The following RAB3A variants were observed in gnomAD, a reference collection of about 807,000 sequenced individuals.
RAB3A encodes ras-related protein Rab-3A.
Under a neutral mutation model 19.7 loss-of-function variants are expected in RAB3A, and 5 were observed. The ratio of observed to expected loss-of-function variants is 0.25; its 90% confidence interval spans 0.13 to 0.53. The LOEUF (loss-of-function observed/expected upper bound fraction) is 0.53, where lower values mean the gene tolerates loss of function less well. Among genes scored for constraint, RAB3A ranks in the 20% least tolerant of loss-of-function variants. The probability of loss-of-function intolerance (pLI) is 0.95; values close to 1 mark genes in which losing one functional copy is unlikely to be tolerated. For synonymous variants in RAB3A, 119 were observed against 122.1 expected (o/e 0.97, Z 0.17); for missense variants, 189 against 305.6 (o/e 0.62, Z 2.85).
At chr19:18,197,770 TTATTGAAGG>T (rs1967551610) in intron 4 of RAB3A, 110 bp from the exon 5 acceptor site, 25 of 233,330 alleles carry the variant, frequency 1.1e-4, no homozygotes, top group South Asian at 1.1e-3. Flanking sequence ...GCCAAGCAAC[TTATTGAAGG>T]TACTGACAAA....
Position 18,197,014 on chromosome 19 carries a change from C to T in RAB3A, c.*456G>A, listed in dbSNP as rs1967535397. On this transcript the variant is annotated 3_prime_UTR_variant, in exon 5 of 5. Transcript: ENST00000222256. ...GCCAGACTCTGATCCCCATGGTCCA[C>T]ACAGGGAAACCCCCAACAGCGGCCT... 1 of 172,748 alleles carries T rather than the reference C, an allele frequency of 5.8e-6. No homozygotes were observed. The highest frequency in any genetic ancestry group is 1.7e-4 in the East Asian group (1 of 5,978). 10.7% of individuals were successfully genotyped at this position (172,748 alleles called of 1,614,324 possible).
At chr19:18,203,271 C>A (rs1333154456) in intron 1 of RAB3A, among the ~76,000 whole-genome samples, 1 of 152,224 alleles carries the variant, frequency 6.6e-6, no homozygotes, top group East Asian at 1.9e-4. Context: ...CACGCTCATC[C>A]GTACATACAG....
At chr19:18,197,692 T>C in intron 4 of RAB3A, 32 bp from the exon 5 acceptor site, 1 of 1,570,590 alleles carries the variant, frequency 6.4e-7, no homozygotes, top group Non-Finnish European at 8.7e-7. Flanking sequence ...ATGAGGACCC[T>C]GGCCACGCCC....
At chr19:18,199,014 A>C (rs1600028969) in intron 3 of RAB3A, among the ~76,000 whole-genome samples, 165 bp from the exon 4 acceptor site, 6 of 140,554 alleles carry the variant, frequency 4.3e-5, no homozygotes, top group African/African-American at 5.4e-5. Context: ...CTTTCACCCC[A>C]CTCCAGCCCC....
rs1011775570 is a variant in RAB3A at position 18,203,999 on chromosome 19, G to C, written c.-104C>G. ...TGATGTGGGGCTGCGCGGCGGCGGC[G>C]GCAGCAGCGGCTCAGGCCCCTGCAG... On this transcript the variant is annotated 5_prime_UTR_variant, in exon 1 of 5. Coordinates refer to ENST00000222256, the MANE Select transcript of RAB3A (RefSeq NM_002866.5). 6.4e-6 allele frequency: 1 copy of C among 157,430 alleles called. No homozygotes were observed. The highest frequency in any genetic ancestry group is 1.4e-5 in the Non-Finnish European group (1 of 71,048). 9.8% of individuals were successfully genotyped at this position (157,430 alleles called of 1,614,324 possible). A position where few individuals can be genotyped will look rare whatever the true frequency, so the allele number is the denominator to read the frequency against.
intron 1 of RAB3A, among the ~76,000 whole-genome samples, chr19:18,203,264 G>C (rs552025745): frequency 2.0e-5 from 3 of 152,318 alleles, no homozygotes; most frequent in South Asian, 4.1e-4. Context: ...CCTCAAACAC[G>C]CTCATCCGTA....
In RAB3A at chr19:18,197,022, A is replaced by C; in HGVS notation, c.*448T>G. 5.8e-6 allele frequency: 1 copy of C among 172,342 alleles called. No individual in the cohort carries two copies. The highest frequency in any genetic ancestry group is 1.3e-5 in the Non-Finnish European group (1 of 79,804). The allele number at this position is 172,342 out of a possible 1,614,324, so 10.7% of individuals were successfully genotyped here. A position where few individuals can be genotyped will look rare whatever the true frequency, so the allele number is the denominator to read the frequency against. On this transcript the variant is annotated 3_prime_UTR_variant, in exon 5 of 5. Coordinates refer to ENST00000222256, the MANE Select transcript of RAB3A (RefSeq NM_002866.5). ...CTGATCCCCATGGTCCACACAGGGA[A>C]ACCCCCAACAGCGGCCTCGGCCCAC...
chr19:18,201,249 C>CAAAA (rs111370852), intron 2 of RAB3A, among the ~76,000 whole-genome samples: 1 of 113,232 alleles, frequency 8.8e-6, no homozygotes, highest in African/African-American at 3.7e-5. Flanking sequence ...ACAATAACAA[C>CAAAA]AAAAAAAAAA....
intron 4 of RAB3A, 72 bp from the exon 5 acceptor site, chr19:18,197,732 G>GTT: frequency 1.5e-6 from 2 of 1,365,008 alleles, no homozygotes; most frequent in Non-Finnish European, 2.0e-6. Flanking sequence ...GCTTCTCTGA[G>GTT]GAAAGGGAAC....
chr19:18,202,094 G>A lies in RAB3A; in HGVS notation c.228+419C>T, dbSNP rs1438328067. Among the ~76,000 whole-genome samples, 6 of 152,150 alleles carry A rather than the reference G, an allele frequency of 3.9e-5. No individual in the cohort carries two copies. The highest frequency in any genetic ancestry group is 1.9e-4 in the East Asian group (1 of 5,194). On this transcript the variant is annotated intron_variant, in intron 2 of 4. Transcript: ENST00000222256. This position sits in a 1 kb window ranked among gnomAD's most constrained non-coding sequence, Gnocchi z 4.2. ...ACAAAAAAGAAAAAAATCAGCAGGC[G>A]TGGTGGTAGAAGCCCGTGGTCCTAG... is the stretch of plus-strand genomic sequence containing the variant.
At position 18,197,298 on chromosome 19, in the gene RAB3A, C is replaced by A. The variant is rs943030199; in HGVS notation, c.*172G>T. ...TGGGGCGGGCAGGGGAGCCTGGGCC[C>A]CTGGGGGACATCTTCAATAAATAAA... On this transcript the variant is annotated 3_prime_UTR_variant, in exon 5 of 5. Transcript: ENST00000222256. 1 of 649,432 alleles carries A rather than the reference C, an allele frequency of 1.5e-6. No individual in the cohort carries two copies. Among genetic ancestry groups the A allele is most frequent in the Non-Finnish European group, 2.5e-6 (1 of 395,120 alleles). The allele number at this position is 649,432 out of a possible 1,614,324, so 40.2% of individuals were successfully genotyped here.
In RAB3A at chr19:18,200,243, AC is replaced by A. The variant is rs1967588869; in HGVS notation, c.347+83del. 6.0e-6 allele frequency: 7 copies of A among 1,170,628 alleles called. 1 individual carries two copies. Among genetic ancestry groups the A allele is most frequent in the South Asian group, 5.9e-5 (4 of 68,246 alleles). The allele number at this position is 1,170,628 out of a possible 1,614,324, so 72.5% of individuals were successfully genotyped here. On this transcript the variant is annotated intron_variant, in intron 3 of 4. Transcript: ENST00000222256. ...GGCTGCAGTGAGCCCTGATCGTGCC[AC>A]TGCACTCCAGCCTGGGTGACAGAAT...
chr19:18,202,540 G>C lies in RAB3A; in HGVS notation c.201C>G (p.Asn67Lys). 1 of 1,614,180 alleles carries C rather than the reference G, an allele frequency of 6.2e-7. No individual in the cohort carries two copies. Among genetic ancestry groups the C allele is most frequent in the Non-Finnish European group, 8.5e-7 (1 of 1,180,022 alleles). ...IDFKVKTIYR[N>K]DKRIKLQIWD... ...AGATCTGCAGCTTGATCCTCTTGTC[G>C]TTGCGATAGATGGTCTTGACCTTGA... The change falls in exon 2 of 5, where the codon AAC becomes AAG. Residue 67 changes from asparagine to lysine, a missense_variant. Asn to Lys is a moderately conservative substitution (Grantham distance 94). Coordinates refer to ENST00000222256, the MANE Select transcript of RAB3A (RefSeq NM_002866.5). This position sits in a 1 kb window ranked among gnomAD's most constrained non-coding sequence, Gnocchi z 4.2.
In RAB3A at chr19:18,197,403, G is replaced by A; in HGVS notation, c.*67C>T. The A allele has an allele frequency of 6.6e-7, 1 of 1,519,626 alleles. No homozygotes were observed. The highest frequency in any genetic ancestry group is 8.9e-7 in the Non-Finnish European group (1 of 1,119,012). The allele number at this position is 1,519,626 out of a possible 1,614,324, so 94.1% of individuals were successfully genotyped here. A position where few individuals can be genotyped will look rare whatever the true frequency, so the allele number is the denominator to read the frequency against. ...TGTGCCCGTGGCTGGTAGGGGCCGG[G>A]TCAGGCCCGGGTAGTTGGGGGAAGG... is the stretch of plus-strand genomic sequence containing the variant. On this transcript the variant is annotated 3_prime_UTR_variant, in exon 5 of 5. Transcript: ENST00000222256.
chr19:18,200,838 G>C (rs1361351289), intron 2 of RAB3A, among the ~76,000 whole-genome samples: 1 of 152,158 alleles, frequency 6.6e-6, no homozygotes, highest in Non-Finnish European at 1.5e-5. Flanking sequence ...AGGAGGCTCA[G>C]GTGAGAGGGT....
rs1055500064 is a variant in RAB3A, at chr19:18,202,099, G to C, written c.228+414C>G. On this transcript the variant is annotated intron_variant, in intron 2 of 4. Coordinates refer to ENST00000222256, the MANE Select transcript of RAB3A (RefSeq NM_002866.5). The surrounding 1 kb of genome is among the most constrained non-coding windows in gnomAD (Gnocchi z 4.2). ...AAAGAAAAAAATCAGCAGGCGTGGT[G>C]GTAGAAGCCCGTGGTCCTAGCTACT... Among the ~76,000 whole-genome samples, 1 of 152,136 alleles carries C rather than the reference G, an allele frequency of 6.6e-6. No homozygotes were observed. Among genetic ancestry groups the C allele is most frequent in the African/African-American group, 2.4e-5 (1 of 41,440 alleles).
intron 2 of RAB3A, among the ~76,000 whole-genome samples, chr19:18,201,222 C>G (rs528355844): frequency 7.9e-6 from 1 of 126,212 alleles, no homozygotes; most frequent in South Asian, 2.5e-4. Context: ...GTGACAAGAG[C>G]GAGACTCCGT....
chr19:18,201,096 G>A (rs778261907), intron 2 of RAB3A, among the ~76,000 whole-genome samples: 6 of 151,408 alleles, frequency 4.0e-5, no homozygotes, highest in Admixed American at 6.6e-5. Context: ...TTAGCTCGGC[G>A]TGGTGGCATG....
intron 2 of RAB3A, among the ~76,000 whole-genome samples, chr19:18,200,955 G>A (rs1282825455): frequency 1.3e-5 from 2 of 150,872 alleles, no homozygotes. Flanking sequence ...CAGGGGGTCG[G>A]GTGTGGTGGT....
Sources: gnomAD v4.1 joint callset for allele counts (sites outside exome capture counted in the v4.1 genomes callset) on GRCh38, gnomAD v4.1.1 for gene constraint, Gnocchi (gnomAD v3.1) non-coding constraint, MANE v1.5 for transcripts, NCBI Gene and HGNC (gene_info 2026-07-23, HGNC 2026-07-21) for gene names.